Variants in LAMB2 observed in about 807,000 individuals in gnomAD.
LAMB2 encodes the protein laminin subunit beta-2.
A neutral mutation model predicts 202.7 loss-of-function variants in LAMB2; 119 were observed. The observed-to-expected ratio is 0.59, with a 90% CI of 0.51 to 0.68. LAMB2 has a LOEUF of 0.68. Ranked by LOEUF, LAMB2 falls within the 30% of genes least tolerant of loss-of-function variation. The probability of loss-of-function intolerance (pLI) is 0.00; values close to 1 mark genes in which losing one functional copy is unlikely to be tolerated. For synonymous variants in LAMB2, 818 were observed against 902.2 expected, an observed-to-expected ratio of 0.91 and a Z score of 1.67; for missense variants, 2,124 against 2,410.6, an observed-to-expected ratio of 0.88 and a Z score of 2.49.
chr3:49,129,120 C>T lies in LAMB2; in HGVS notation c.1631G>A (p.Arg544His), dbSNP rs750875466. 6.2e-6 allele frequency: 10 copies of T among 1,613,900 alleles called. No homozygotes were observed. Among genetic ancestry groups the T allele is most frequent in the Admixed American group, 1.7e-5 (1 of 60,004 alleles). Residue 544 changes from arginine (R) to histidine (H), a missense_variant, in exon 13 of 32, where the codon CGC (arginine) becomes CAC (histidine). Arg to His is a conservative substitution (Grantham distance 29). Coordinates refer to ENST00000305544, the MANE Select transcript of LAMB2 (RefSeq NM_002292.4). This position sits in a 1 kb window ranked among gnomAD's most constrained non-coding sequence, Gnocchi z 6.1. ...CDEGTGQCHC[R>H]QHMVGRRCEQ... is the part of the protein sequence containing the mutation. ...ACAGCGTCGCCCAACCATGTGCTGG[C>T]GGCAGTGGCATTGACCTGTGCCCTC...
In LAMB2 at chr3:49,131,307, A is replaced by G. The variant is rs1575536867; in HGVS notation, c.712+72T>C. The G allele has an allele frequency of 1.3e-6, 2 of 1,558,818 alleles. No homozygotes were observed. Among genetic ancestry groups the G allele is most frequent in the Non-Finnish European group, 1.8e-6 (2 of 1,134,468 alleles). On this transcript the variant is annotated intron_variant, in intron 6 of 31. Transcript: ENST00000305544. The surrounding 1 kb of genome is among the most constrained non-coding windows in gnomAD (Gnocchi z 5.0). ...GCACCTGCCCTAGGAAGCACCCAAA[A>G]TAGTTACTGAGGCCCCAAATAGTCC...
chr3:49,132,234 C>A lies in LAMB2; in HGVS notation c.385+36G>T, dbSNP rs775034663. ...TCAAGGACTCAAAGCTACTGGTGGG[C>A]AGCCCTGCTCACTTTTGCCCCACCC... On this transcript the variant is annotated intron_variant, in intron 3 of 31. Coordinates refer to ENST00000305544, the MANE Select transcript of LAMB2 (RefSeq NM_002292.4). The surrounding 1 kb of genome is among the most constrained non-coding windows in gnomAD (Gnocchi z 4.6). 1 of 1,614,080 alleles carries A rather than the reference C, an allele frequency of 6.2e-7. No homozygotes were observed. Among genetic ancestry groups the A allele is most frequent in the Non-Finnish European group, 8.5e-7 (1 of 1,180,030 alleles).
chr3:49,126,115 C>G lies in LAMB2; in HGVS notation c.2196G>C (p.Gly732=), dbSNP rs749540470. The change falls in exon 17 of 32, where the codon GGG becomes GGC. Residue 732 remains glycine, a synonymous_variant. Coordinates refer to ENST00000305544, the MANE Select transcript of LAMB2 (RefSeq NM_002292.4). ...GGCGCTCCAGGGCAGCAGCATCACCCCCACTAAACATCTCTAGCACCAGGA... is the reference window on the plus strand; with the variant it reads ...GGCGCTCCAGGGCAGCAGCATCACCGCCACTAAACATCTCTAGCACCAGGA... ...PRVLVLEMFS[G]GDAAALERQA... The G allele has an allele frequency of 5.6e-6, 9 of 1,613,680 alleles. No individual in the cohort carries two copies. The highest frequency in any genetic ancestry group is 7.6e-6 in the Non-Finnish European group (9 of 1,180,010).
chr3:49,130,687 G>A lies in LAMB2; in HGVS notation c.1036+53C>T. 6.2e-7 allele frequency: 1 copy of A among 1,610,402 alleles called. No individual in the cohort carries two copies. Among genetic ancestry groups the A allele is most frequent in the Non-Finnish European group, 8.5e-7 (1 of 1,179,416 alleles). ...CCAACTAGCTCTAGGTTCTACCCAG[G>A]GCACAGCCAGGCTGCAGAGTGCTGG... is the stretch of plus-strand genomic sequence containing the variant. On this transcript the variant is annotated intron_variant, in intron 8 of 31. Transcript: ENST00000305544. The surrounding 1 kb of genome is among the most constrained non-coding windows in gnomAD (Gnocchi z 5.0).
At position 49,123,881 on chromosome 3, in the gene LAMB2, G is replaced by C. The variant is rs140456179; in HGVS notation, c.3644C>G (p.Ala1215Gly). ...CACACCCGTCTGTTGCAACTCCTGC[G>C]CCCGCTGCTCTAGGCGCTGTGTACG... ...AARTQRLEQR[A>G]QELQQTGVLG... The change falls in exon 24 of 32, where the codon GCG becomes GGG. Residue 1215 changes from alanine (A) to glycine (G), a missense_variant. Transcript: ENST00000305544. 19 of 1,613,404 alleles carry C rather than the reference G, an allele frequency of 1.2e-5. No homozygotes were observed. The East Asian group carries it at 1.3e-4, about 11-fold the overall frequency.
Position 49,121,380 on chromosome 3 carries a change from C to T in LAMB2, c.5261-18G>A. ...TTCCAATTCTAGGAAGGGCAGGTGT[C>T]AGTTTAGGGGGGGTTTCCCGCAGTC... On this transcript the variant is annotated intron_variant, in intron 31 of 31. Transcript: ENST00000305544. 6.2e-7 allele frequency: 1 copy of T among 1,614,076 alleles called. No individual in the cohort carries two copies. The highest frequency in any genetic ancestry group is 8.5e-7 in the Non-Finnish European group (1 of 1,180,018).
At chr3:49,128,626 G>A (rs1363714877) in intron 14 of LAMB2, 35 bp downstream of exon 14, 1 of 1,614,232 alleles carries the variant, frequency 6.2e-7, no homozygotes, top group East Asian at 2.2e-5. Context: ...CCCACACCCA[G>A]AGGTTCAGCC....
In LAMB2 at chr3:49,121,826, A is replaced by G. The variant is rs200761921; in HGVS notation, c.4958T>C (p.Leu1653Pro). Residue 1653 changes from leucine to proline, a missense_variant, in exon 30 of 32, where the codon CTG becomes CCG. Leu to Pro is a moderately conservative substitution (Grantham distance 98, BLOSUM62 -3). This residue lies in a region of LAMB2 where 1,702 missense variants were observed against 1,896.3 expected (regional missense o/e 0.90). Coordinates refer to ENST00000305544, the MANE Select transcript of LAMB2 (RefSeq NM_002292.4). ...QERMAGAERA[L>P]SSAGERARQL... ...CCGAGCCCTTTCACCTGCAGAGCTC[A>G]GTGCCCGCTCTGCACCTGCCATCCT... 173 of 1,613,134 alleles carry G rather than the reference A, an allele frequency of 1.1e-4. No homozygotes were observed. Among genetic ancestry groups the G allele is most frequent in the Non-Finnish European group, 1.4e-4 (167 of 1,180,016 alleles).
intron 15 of LAMB2, among the ~76,000 whole-genome samples, chr3:49,126,887 C>G (rs1028318922): frequency 1.3e-5 from 2 of 152,206 alleles, no homozygotes; most frequent in African/African-American, 4.8e-5. Context: ...CAAGGCTTTC[C>G]TTTCCCATTG....
chr3:49,131,733 G>A lies in LAMB2; in HGVS notation c.460-10C>T, dbSNP rs1288734251. 5 of 1,612,724 alleles carry A rather than the reference G, an allele frequency of 3.1e-6. No homozygotes were observed. The highest frequency in any genetic ancestry group is 4.2e-6 in the Non-Finnish European group (5 of 1,180,010). ...CAGCAGGGCGAAATGTCTGGGTAGG[G>A]GGGCATAGCTGATCAGCAGGCACCA... On this transcript the variant is annotated splice_polypyrimidine_tract_variant and intron_variant, in intron 4 of 31. Transcript: ENST00000305544. The surrounding 1 kb of genome is among the most constrained non-coding windows in gnomAD (Gnocchi z 5.0).
In LAMB2 at chr3:49,123,588, C is replaced by T; in HGVS notation, c.3841G>A (p.Ala1281Thr). The change falls in exon 25 of 32, where the codon GCA becomes ACA. Residue 1281 changes from alanine to threonine, a missense_variant. Transcript: ENST00000305544. ...EATEHLTQLE[A>T]DLTDVQDENF... Reference sequence around the variant, plus strand: ...TCATCTTGCACATCTGTCAGGTCTGCCTCGAGCTGAGTCAGGTGCTCAGTG... The same window carrying T: ...TCATCTTGCACATCTGTCAGGTCTGTCTCGAGCTGAGTCAGGTGCTCAGTG... 6.2e-7 allele frequency: 1 copy of T among 1,614,194 alleles called. No homozygotes were observed.
Position 49,123,721 on chromosome 3 carries a change from T to C in LAMB2, c.3797+7A>G. 1 of 1,613,528 alleles carries C rather than the reference T, an allele frequency of 6.2e-7. No homozygotes were observed. The highest frequency in any genetic ancestry group is 8.5e-7 in the Non-Finnish European group (1 of 1,180,044). On this transcript the variant is annotated splice_region_variant and intron_variant, in intron 24 of 31. Transcript: ENST00000305544. Reference sequence around the variant, plus strand: ...ATCCCACCATGTATTCTTAGGCCCTTCCGCACCGCAGCTCCTCTGTGGCCT... The same window carrying C: ...ATCCCACCATGTATTCTTAGGCCCTCCCGCACCGCAGCTCCTCTGTGGCCT...
Position 49,122,362 on chromosome 3 carries a change from C to T in LAMB2, c.4582G>A (p.Ala1528Thr), listed in dbSNP as rs2045329376. The part of the protein sequence containing the change: ...SVKDFLNQEG[A>T]DPDSIEMVAT... ...ACCATTTCAATGCTATCAGGATCAG[C>T]CCCCTCCTCTATAGGGACACAGCAA... The change falls in exon 28 of 32, where the codon GCT (alanine) becomes ACT (threonine). Residue 1528 changes from alanine to threonine, a missense_variant. Around this residue, in one of 3 missense-constraint regions of LAMB2, gnomAD observed 1,702 missense variants for 1,896.3 expected, o/e 0.90. Coordinates refer to ENST00000305544, the MANE Select transcript of LAMB2 (RefSeq NM_002292.4). 1.9e-6 allele frequency: 3 copies of T among 1,613,182 alleles called. No homozygotes were observed. Among genetic ancestry groups the T allele is most frequent in the Non-Finnish European group, 2.5e-6 (3 of 1,179,954 alleles).
At chr3:49,128,413 C>A in intron 15 of LAMB2, 45 bp downstream of exon 15, 1 of 1,603,820 alleles carries the variant, frequency 6.2e-7, no homozygotes, top group Non-Finnish European at 8.5e-7. Flanking sequence ...TAGGGCTGGC[C>A]CCACAACCCC....
rs780214311 is a variant in LAMB2 at position 49,129,127 on chromosome 3, G to A, written c.1624C>T (p.His542Tyr). The A allele has an allele frequency of 1.9e-6, 3 of 1,613,920 alleles. No individual in the cohort carries two copies. Among genetic ancestry groups the A allele is most frequent in the African/African-American group, 1.3e-5 (1 of 74,900 alleles). Residue 542 changes from histidine to tyrosine, a missense_variant, in exon 13 of 32, where the codon CAC (histidine) becomes TAC (tyrosine). His to Tyr is a moderately conservative substitution (Grantham distance 83). This residue lies in a region of LAMB2 where 1,702 missense variants were observed against 1,896.3 expected (regional missense o/e 0.90). Coordinates refer to ENST00000305544, the MANE Select transcript of LAMB2 (RefSeq NM_002292.4). The surrounding 1 kb of genome is among the most constrained non-coding windows in gnomAD (Gnocchi z 6.1). ...CGCCCAACCATGTGCTGGCGGCAGT[G>A]GCATTGACCTGTGCCCTCATCACAC... ...PQCDEGTGQC[H>Y]CRQHMVGRRC...
rs1033924532 is a variant in LAMB2 at position 49,125,817 on chromosome 3, A to C, written c.2418T>G (p.Pro806=). ...GGTCACAGCGGCGCCCAACCACTCC[A>C]GGCTTGCACAGGCACTGACCACCAT... ...NPHGGQCLCK[P]GVVGRRCDLC... Residue 806 remains proline (P), a synonymous_variant, in exon 18 of 32, where the codon CCT becomes CCG. Transcript: ENST00000305544. 1 of 1,614,160 alleles carries C rather than the reference A, an allele frequency of 6.2e-7. No homozygotes were observed. Among genetic ancestry groups the C allele is most frequent in the Admixed American group, 1.7e-5 (1 of 60,018 alleles).
In LAMB2 at chr3:49,126,042, T is replaced by C. The variant is rs1369537918; in HGVS notation, c.2269A>G (p.Ser757Gly). Residue 757 changes from serine (S) to glycine (G), a missense_variant, in exon 17 of 32, where the codon AGC (serine) becomes GGC (glycine). Around this residue, in one of 3 missense-constraint regions of LAMB2, gnomAD observed 1,702 missense variants for 1,896.3 expected, o/e 0.90. Coordinates refer to ENST00000305544, the MANE Select transcript of LAMB2 (RefSeq NM_002292.4). ...YQCHEEGLVP[S>G]KTSPSEACAP... ...CAGGCCTCAGAGGGAGAAGTCTTGCTGGGCACCAGACCCTCCTCATGGCAT... is the reference window on the plus strand; with the variant it reads ...CAGGCCTCAGAGGGAGAAGTCTTGCCGGGCACCAGACCCTCCTCATGGCAT... 6.2e-7 allele frequency: 1 copy of C among 1,614,192 alleles called. No individual in the cohort carries two copies. Among genetic ancestry groups the C allele is most frequent in the East Asian group, 2.2e-5 (1 of 44,886 alleles).
At position 49,131,854 on chromosome 3, in the gene LAMB2, G is replaced by T; in HGVS notation, c.460-131C>A. The T allele has an allele frequency of 9.5e-7, 1 of 1,052,148 alleles. No homozygotes were observed. The highest frequency in any genetic ancestry group is 1.6e-5 in the African/African-American group (1 of 63,628). 65.2% of individuals were successfully genotyped at this position (1,052,148 alleles called of 1,614,324 possible). On this transcript the variant is annotated intron_variant, in intron 4 of 31. Coordinates refer to ENST00000305544, the MANE Select transcript of LAMB2 (RefSeq NM_002292.4). This position sits in a 1 kb window ranked among gnomAD's most constrained non-coding sequence, Gnocchi z 5.0. ...GAGTGGGGGTGACTGGTGGAAGCCA[G>T]ATAATGACCAGCAAAGGTAGCCACC...
Position 49,132,663 on chromosome 3 carries a change from A to C in LAMB2, c.77T>G (p.Val26Gly), listed in dbSNP as rs2045495698. 6.2e-7 allele frequency: 1 copy of C among 1,614,210 alleles called. No homozygotes were observed. Among genetic ancestry groups the C allele is most frequent in the Non-Finnish European group, 8.5e-7 (1 of 1,180,036 alleles). ...WELRLGLLLS[V>G]LAATLAQAPA... ...GGCCTGTGCCAGTGTGGCAGCCAGC[A>C]CTGGGGACAGTAGCTCAGTCAGTTC... Residue 26 changes from valine to glycine, a missense_variant and splice_region_variant, in exon 2 of 32, where the codon GTG becomes GGG. By Grantham distance (109) the Val-to-Gly change is moderately radical. This residue lies in a region of LAMB2 where 166 missense variants were observed against 158.2 expected (regional missense o/e 1.05). Coordinates refer to ENST00000305544, the MANE Select transcript of LAMB2 (RefSeq NM_002292.4). This position sits in a 1 kb window ranked among gnomAD's most constrained non-coding sequence, Gnocchi z 4.6.
Sources: allele counts gnomAD v4.1 joint callset (sites outside exome capture counted in the v4.1 genomes callset), GRCh38; gene constraint gnomAD v4.1.1; regional missense constraint gnomAD v4.1.1; non-coding constraint Gnocchi (gnomAD v3.1); transcripts MANE v1.5; gene names NCBI Gene and HGNC (gene_info 2026-07-23, HGNC 2026-07-21).